Variants in MAML2 observed in about 807,000 individuals in gnomAD.
MAML2 encodes the protein mastermind-like protein 2.
MAML2 carries 22 observed loss-of-function variants against 96.1 expected under a neutral mutation model. The ratio of observed to expected loss-of-function variants is 0.23; its 90% CI spans 0.16 to 0.33. The LOEUF is 0.33. Ranked by LOEUF, MAML2 falls within the 10% of genes least tolerant of loss-of-function variation. The pLI, the probability that MAML2 is intolerant of heterozygous loss-of-function variation, is 1.00. For synonymous variants in MAML2, 561 were observed against 521.3 expected (o/e 1.08, Z -1.04); for missense variants, 1,367 against 1,392.4 (o/e 0.98, Z 0.29).
intron 1 of MAML2, among the ~76,000 whole-genome samples, chr11:96,222,750 T>G (rs1862158729): frequency 6.6e-6 from 1 of 152,198 alleles, no homozygotes; most frequent in African/African-American, 2.4e-5. Context: ...CCCTTAAAGT[T>G]AAATATATGC....
intron 1 of MAML2, among the ~76,000 whole-genome samples, 182 bp downstream of exon 1, chr11:96,341,201 C>T (rs1863987597): frequency 6.6e-6 from 1 of 152,148 alleles, no homozygotes; most frequent in Admixed American, 6.5e-5. Context: ...GGAGTGAGCA[C>T]CAACAGAACA....
rs1857764578 is a variant in MAML2, at chr11:95,982,913, C to T, written c.2455+2618G>A. The stretch of plus-strand genomic sequence containing the variant: ...ACTGACACCCAGTGTGACTTTCAGT[C>T]CTGTAAGCTCCATTCATGGTGAGTG... On this transcript the variant is annotated intron_variant, in intron 4 of 4. Transcript: ENST00000524717. Among the ~76,000 whole-genome samples, 3 of 152,218 alleles carry T rather than the reference C, an allele frequency of 2.0e-5. No individual in the cohort carries two copies. The South Asian group carries it at 6.2e-4, about 32-fold the overall frequency.
intron 1 of MAML2, among the ~76,000 whole-genome samples, chr11:96,200,957 C>A (rs1209060008): frequency 2.6e-5 from 4 of 151,752 alleles, no homozygotes; most frequent in Admixed American, 2.6e-4. Flanking sequence ...TTCTGAATTT[C>A]TTTGGTTTTA....
At chr11:96,144,844 C>T (rs1033547940) in intron 1 of MAML2, among the ~76,000 whole-genome samples, 5 of 152,102 alleles carry the variant, frequency 3.3e-5, no homozygotes, top group East Asian at 1.9e-4. Context: ...ATACAAATCC[C>T]GTGGAAGAGA....
intron 1 of MAML2, among the ~76,000 whole-genome samples, chr11:96,313,907 G>C (rs1863588913): frequency 6.6e-6 from 1 of 152,144 alleles, no homozygotes; most frequent in Non-Finnish European, 1.5e-5. Flanking sequence ...AGTTTATCAA[G>C]CACTCCAGGT....
In MAML2 at chr11:96,101,330, A is replaced by G. The variant is rs570083728; in HGVS notation, c.514-7813T>C. On this transcript the variant is annotated intron_variant, in intron 1 of 4. Transcript: ENST00000524717. The stretch of plus-strand genomic sequence containing the variant: ...AGGCATTTCATGATAGCATTTTGTC[A>G]GCGTGGACACTTCCATCACTTCCCT... 1.8e-3 allele frequency among the ~76,000 whole-genome samples: 277 copies of G among 152,352 alleles called. 2 individuals are homozygous for G. The highest frequency in any genetic ancestry group is 6.3e-3 in the African/African-American group (262 of 41,588).
At chr11:96,304,234 C>G (rs556717479) in intron 1 of MAML2, among the ~76,000 whole-genome samples, 143 of 152,250 alleles carry the variant, frequency 9.4e-4, no homozygotes, top group African/African-American at 3.1e-3. Flanking sequence ...TCTCTCACCC[C>G]TTAGAATAAG....
chr11:96,286,860 G>A (rs1322266913), intron 1 of MAML2, among the ~76,000 whole-genome samples: 1 of 152,032 alleles, frequency 6.6e-6, no homozygotes, highest in Admixed American at 6.6e-5. Context: ...CTATTCTAAC[G>A]TGGAACTAAG....
chr11:96,323,818 C>T (rs915937590), intron 1 of MAML2, among the ~76,000 whole-genome samples: 1 of 152,198 alleles, frequency 6.6e-6, no homozygotes, highest in South Asian at 2.1e-4. Flanking sequence ...TCCCATCATG[C>T]GTAGGTATGG....
intron 1 of MAML2, among the ~76,000 whole-genome samples, chr11:96,145,098 A>C (rs945283531): frequency 6.6e-6 from 1 of 152,196 alleles, no homozygotes; most frequent in Non-Finnish European, 1.5e-5. Flanking sequence ...ACTCTCAAAA[A>C]CAAGTCTGTG....
intron 1 of MAML2, among the ~76,000 whole-genome samples, chr11:96,305,929 C>G (rs187400882): frequency 6.6e-6 from 1 of 152,180 alleles, no homozygotes; most frequent in East Asian, 1.9e-4. Context: ...TTTTAAAAGA[C>G]AAAGTGAAAT....
At chr11:96,286,458 C>T (rs929869137) in intron 1 of MAML2, among the ~76,000 whole-genome samples, 5 of 152,128 alleles carry the variant, frequency 3.3e-5, no homozygotes, top group African/African-American at 1.2e-4. Flanking sequence ...GCACATTCTG[C>T]ACATGTACCC....
At chr11:96,074,571 A>G (rs549573210) in intron 2 of MAML2, among the ~76,000 whole-genome samples, 1 of 152,346 alleles carries the variant, frequency 6.6e-6, no homozygotes, top group East Asian at 1.9e-4. Context: ...TGTGCAGATG[A>G]CGATGGCGGC....
intron 1 of MAML2, among the ~76,000 whole-genome samples, chr11:96,304,852 T>A (rs371911007): frequency 6.6e-6 from 1 of 152,230 alleles, no homozygotes; most frequent in Admixed American, 6.5e-5. Context: ...CTAAATGTGT[T>A]TATGCTATGT....
chr11:95,998,292 C>T (rs530594358), intron 2 of MAML2, among the ~76,000 whole-genome samples: 137 of 152,238 alleles, frequency 9.0e-4, no homozygotes, highest in Non-Finnish European at 1.7e-3. Flanking sequence ...AATGATCATT[C>T]AACCTCTGCT....
At chr11:96,310,234 TA>T (rs1863519733) in intron 1 of MAML2, among the ~76,000 whole-genome samples, 1 of 152,182 alleles carries the variant, frequency 6.6e-6, no homozygotes, top group Non-Finnish European at 1.5e-5. Flanking sequence ...AGCTAAAGGT[TA>T]TTTTTTTTTT....
intron 1 of MAML2, among the ~76,000 whole-genome samples, chr11:96,164,953 C>A (rs1861168727): frequency 6.6e-6 from 1 of 152,076 alleles, no homozygotes; most frequent in Non-Finnish European, 1.5e-5. Flanking sequence ...CTTTCAAGGG[C>A]AAGAACTTTC....
At chr11:96,171,666 AC>A (rs1187783347) in intron 1 of MAML2, among the ~76,000 whole-genome samples, 1 of 152,268 alleles carries the variant, frequency 6.6e-6, no homozygotes, top group Non-Finnish European at 1.5e-5. Flanking sequence ...AGAATAAACA[AC>A]ACGCCAAAGT....
intron 1 of MAML2, among the ~76,000 whole-genome samples, chr11:96,255,783 C>T (rs989719002): frequency 6.6e-6 from 1 of 151,398 alleles, no homozygotes; most frequent in Non-Finnish European, 1.5e-5. Context: ...GTGATGACCT[C>T]ATCATGCCCT....
Sources: gnomAD v4.1 joint callset for allele counts (sites outside exome capture counted in the v4.1 genomes callset) on GRCh38, gnomAD v4.1.1 for gene constraint, MANE v1.5 for transcripts, NCBI Gene and HGNC (gene_info 2026-07-23, HGNC 2026-07-21) for gene names.